The following TPGS2 variants were observed in gnomAD, a reference collection of about 807,000 sequenced individuals.
TPGS2 encodes tubulin polyglutamylase complex subunit 2.
Under a neutral mutation model 31.1 loss-of-function variants are expected in TPGS2, and 26 were observed. That is an observed-to-expected ratio of 0.84 (90% CI 0.61 to 1.16). The LOEUF is 1.16. TPGS2 is among the 50% of genes most tolerant of loss of function. TPGS2 has a pLI of 0.00. For missense variants in TPGS2, 351 were observed against 363.8 expected (o/e 0.96, Z 0.29); for synonymous variants, 130 against 136.6 (o/e 0.95, Z 0.34).
At chr18:36,821,313 T>C (rs1482776757) in intron 1 of TPGS2, among the ~76,000 whole-genome samples, 1 of 152,168 alleles carries the variant, frequency 6.6e-6, no homozygotes, top group Admixed American at 6.5e-5. Flanking sequence ...TAGAAGCCAT[T>C]TGATGATTCC....
chr18:36,810,817 T>C (rs139139373), intron 2 of TPGS2, among the ~76,000 whole-genome samples: 12 of 152,328 alleles, frequency 7.9e-5, no homozygotes, highest in African/African-American at 2.9e-4. Context: ...CCTGAGCCAC[T>C]TTTTTGTTTT....
At chr18:36,811,549 G>C (rs930095037) in intron 2 of TPGS2, among the ~76,000 whole-genome samples, 3 of 152,182 alleles carry the variant, frequency 2.0e-5, no homozygotes, top group African/African-American at 7.2e-5. Context: ...CTTCAGAAGA[G>C]TAATACCCTC....
chr18:36,795,845 C>T lies in TPGS2; in HGVS notation c.*960G>A, dbSNP rs1438053676. On this transcript the variant is annotated 3_prime_UTR_variant, in exon 7 of 7. Coordinates refer to ENST00000334295, the MANE Select transcript of TPGS2 (RefSeq NM_015476.4). ...TGGACAACTCAGAGCTGTGAAGAGG[C>T]AGGCAGAGCAGGTGGAAAGCTTCTG... 1 of 985,442 alleles carries T rather than the reference C, an allele frequency of 1.0e-6. No individual in the cohort carries two copies. The highest frequency in any genetic ancestry group is 1.1e-4 in the East Asian group (1 of 8,820). 61.0% of individuals were successfully genotyped at this position (985,442 alleles called of 1,614,324 possible).
chr18:36,781,313 G>C (rs2044007400), downstream of TPGS2, among the ~76,000 whole-genome samples: 1 of 152,136 alleles, frequency 6.6e-6, no homozygotes, highest in African/African-American at 2.4e-5. Context: ...GTATTTCGAG[G>C]GGTTGAAAAA....
intron 3 of TPGS2, 105 bp downstream of exon 3, chr18:36,807,742 T>C: frequency 9.6e-7 from 1 of 1,043,354 alleles, no homozygotes; most frequent in Non-Finnish European, 1.4e-6. Flanking sequence ...GGGGCACCCA[T>C]GAAAACCATC....
intron 1 of TPGS2, chr18:36,823,799 C>T: frequency 1.0e-6 from 1 of 984,446 alleles, no homozygotes; most frequent in Non-Finnish European, 1.2e-6. Context: ...TAGATTGGGC[C>T]TACCTGGATA....
chr18:36,795,810 A>C lies in TPGS2; in HGVS notation c.*995T>G. ...TCCTAAGGATGGCCAGGGACCAGGC[A>C]AAGTGAGGCTGGACAACTCAGAGCT... On this transcript the variant is annotated 3_prime_UTR_variant, in exon 7 of 7. Coordinates refer to ENST00000334295, the MANE Select transcript of TPGS2 (RefSeq NM_015476.4). The C allele has an allele frequency of 4.1e-6, 4 of 985,488 alleles. No homozygotes were observed. The highest frequency in any genetic ancestry group is 4.8e-6 in the Non-Finnish European group (4 of 829,962). 61.0% of individuals were successfully genotyped at this position (985,488 alleles called of 1,614,324 possible).
chr18:36,810,420 AGTTTGCTTTTCCACAGG>A (rs2045368453), intron 2 of TPGS2, among the ~76,000 whole-genome samples: 1 of 152,126 alleles, frequency 6.6e-6, no homozygotes, highest in Non-Finnish European at 1.5e-5. Context: ...ACCTGAAAAG[AGTTTGCTTTTCCACAGG>A]GAGCAATCTG....
At chr18:36,786,701 G>A in intron 6 of TPGS2, 1 of 692,304 alleles carries the variant, frequency 1.4e-6, no homozygotes, top group African/African-American at 1.9e-5. Context: ...GAGGGGGTAT[G>A]ATGAGGTGTG....
At position 36,794,151 on chromosome 18, in the gene TPGS2, CAAAT is replaced by C. The variant is rs367891294; in HGVS notation, c.*2650_*2653del. 1 of 470,702 alleles carries C rather than the reference CAAAT, an allele frequency of 2.1e-6. No homozygotes were observed. The highest frequency in any genetic ancestry group is 2.1e-5 in the African/African-American group (1 of 47,462). 29.2% of individuals were successfully genotyped at this position (470,702 alleles called of 1,614,324 possible). ...TTTTAGTTAGAACAGCATTAAGTAG[CAAAT>C]AAAAAACACAGCCATAACAAGTTGA... On this transcript the variant is annotated 3_prime_UTR_variant, in exon 7 of 7. Transcript: ENST00000334295.
chr18:36,796,566 G>C lies in TPGS2; in HGVS notation c.*239C>G. On this transcript the variant is annotated 3_prime_UTR_variant, in exon 7 of 7. Transcript: ENST00000334295. The stretch of plus-strand genomic sequence containing the variant: ...AGAGGAAAGCACTCAGACTTATTTG[G>C]GCACTTACACAAGATTCCAAATTCC... 1 of 1,311,174 alleles carries C rather than the reference G, an allele frequency of 7.6e-7. No homozygotes were observed. The highest frequency in any genetic ancestry group is 9.6e-7 in the Non-Finnish European group (1 of 1,036,552). 81.2% of individuals were successfully genotyped at this position (1,311,174 alleles called of 1,614,324 possible).
downstream of TPGS2, among the ~76,000 whole-genome samples, chr18:36,780,994 C>T (rs1441895868): frequency 6.6e-6 from 1 of 152,202 alleles, no homozygotes; most frequent in Non-Finnish European, 1.5e-5. Context: ...TACAATGTCA[C>T]TGGTGATAGG....
chr18:36,781,455 C>T (rs1409191074), downstream of TPGS2, among the ~76,000 whole-genome samples: 1 of 152,130 alleles, frequency 6.6e-6, no homozygotes, highest in Non-Finnish European at 1.5e-5. Flanking sequence ...AGATCGAGAC[C>T]ATCCTGGCCA....
chr18:36,783,517 C>T (rs1339675398), intron 6 of TPGS2, among the ~76,000 whole-genome samples: 2 of 152,170 alleles, frequency 1.3e-5, no homozygotes, highest in Admixed American at 1.3e-4. Flanking sequence ...GTTTAAAAAA[C>T]AACTTAATGA....
At chr18:36,807,150 G>A (rs1299842040) in intron 3 of TPGS2, among the ~76,000 whole-genome samples, 1 of 152,148 alleles carries the variant, frequency 6.6e-6, no homozygotes, top group Non-Finnish European at 1.5e-5. Flanking sequence ...TCTGTGCCAC[G>A]AACGGGCTGG....
chr18:36,781,748 C>T, downstream of TPGS2: 1 of 985,078 alleles, frequency 1.0e-6, no homozygotes, highest in Non-Finnish European at 1.2e-6. Context: ...ACTATATTTT[C>T]CCCATAGGCC....
At chr18:36,812,583 C>T (rs1156461803) in intron 2 of TPGS2, among the ~76,000 whole-genome samples, 8 of 152,146 alleles carry the variant, frequency 5.3e-5, no homozygotes, top group Admixed American at 5.2e-4. Context: ...TCATCTGTAT[C>T]CTTTGTAATA....
At chr18:36,819,097 T>C (rs769819609) in intron 1 of TPGS2, 124 bp from the exon 2 acceptor site, 7 of 754,562 alleles carry the variant, frequency 9.3e-6, no homozygotes, top group African/African-American at 3.5e-5. Flanking sequence ...TGAACACTTA[T>C]TACCCCTGTA....
intron 6 of TPGS2, chr18:36,786,385 T>G (rs643657): frequency 0.22 from 33,597 of 152,026 alleles, 4,696 homozygotes; most frequent in African/African-American, 0.39. Flanking sequence ...CCCGGCTAAT[T>G]TTTTTGTATT....
Sources: gnomAD v4.1 joint callset for allele counts (sites outside exome capture counted in the v4.1 genomes callset) on GRCh38, gnomAD v4.1.1 for gene constraint, MANE v1.5 for transcripts, NCBI Gene and HGNC (gene_info 2026-07-23, HGNC 2026-07-21) for gene names.